The following MAGEA6 variants were observed in gnomAD, a reference collection of about 807,000 sequenced individuals.
The protein encoded by MAGEA6 is melanoma-associated antigen 6.
For missense variants in MAGEA6, 281 were observed against 231.4 expected, an observed-to-expected ratio of 1.21 and a Z score of -1.39; for synonymous variants, 100 against 98.8, an observed-to-expected ratio of 1.01 and a Z score of -0.07.
Position 152,766,367 on chromosome X carries a change from GA to G in MAGEA6, c.*338del, listed in dbSNP as rs1483006524. 1 of 333,461 alleles carries G rather than the reference GA, an allele frequency of 3.0e-6. No homozygotes were observed. Among genetic ancestry groups the G allele is most frequent in the Non-Finnish European group, 5.6e-6 (1 of 178,034 alleles). 27.5% of individuals were successfully genotyped at this position (333,461 alleles called of 1,213,427 possible). A position where few individuals can be genotyped will look rare whatever the true frequency, so the allele number is the denominator to read the frequency against. ...TTATTATGTCACAATTCACAAAATG[GA>G]ATGGATTTCCCAATCTGAATAAAAA... On this transcript the variant is annotated 3_prime_UTR_variant, in exon 3 of 3. Coordinates refer to ENST00000329342, the MANE Select transcript of MAGEA6 (RefSeq NM_005363.5).
chrX:152,767,926 C>G, intron 1 of MAGEA6, 65 bp from the exon 2 acceptor site: 1 of 195,485 alleles, frequency 5.1e-6, no homozygotes, highest in South Asian at 6.8e-5. Context: ...GGCTGCAGGA[C>G]TGAAAGTATT....
Position 152,767,326 on chromosome X carries a change from G to T in MAGEA6, c.325C>A (p.Leu109Ile), listed in dbSNP as rs781899981. Residue 109 changes from leucine to isoleucine, a missense_variant, in exon 3 of 3, where the codon CTC (leucine) becomes ATC (isoleucine). Physicochemically the swap from Leu to Ile is conservative, Grantham distance 5. Coordinates refer to ENST00000329342, the MANE Select transcript of MAGEA6 (RefSeq NM_005363.5). ...PDLESEFQAA[L>I]SRKVAKLVHF... ...ACCAACTTGGCCACCTTCCTACTGA[G>T]TGCTGCTTGGAACTCAGACTCCAGG... 2.5e-6 allele frequency: 3 copies of T among 1,210,336 alleles called. No homozygotes were observed. Among genetic ancestry groups the T allele is most frequent in the Non-Finnish European group, 3.4e-6 (3 of 894,561 alleles).
Position 152,766,667 on chromosome X carries a change from C to A in MAGEA6, c.*39G>T. On this transcript the variant is annotated 3_prime_UTR_variant, in exon 3 of 3. Transcript: ENST00000329342. ...GCCCCGGAAGGTGCACTGGCCCAAA[C>A]CCCCTCCCACTGGCCCTGGCTGCAA... 1 of 1,187,331 alleles carries A rather than the reference C, an allele frequency of 8.4e-7. No homozygotes were observed. The highest frequency in any genetic ancestry group is 1.1e-6 in the Non-Finnish European group (1 of 881,080).
chrX:152,767,236 C>T lies in MAGEA6; in HGVS notation c.415G>A (p.Val139Ile), dbSNP rs782642638. The T allele has an allele frequency of 8.3e-7, 1 of 1,210,556 alleles. No individual in the cohort carries two copies. The highest frequency in any genetic ancestry group is 1.7e-5 in the African/African-American group (1 of 57,695). The change falls in exon 3 of 3, where the codon GTC (valine) becomes ATC (isoleucine). Residue 139 changes from valine to isoleucine, a missense_variant. By Grantham distance (29) the Val-to-Ile change is conservative. Coordinates refer to ENST00000329342, the MANE Select transcript of MAGEA6 (RefSeq NM_005363.5). ...PVTKAEMLGS[V>I]VGNWQYFFPV... is the part of the protein sequence containing the mutation. ...AAGAAGTACTGCCAATTTCCGACGA[C>T]ACTCCCCAGCATTTCTGCCTTTGTG... is the stretch of plus-strand genomic sequence containing the variant.
At position 152,767,191 on chromosome X, in the gene MAGEA6, C is replaced by T. The variant is rs782474077; in HGVS notation, c.460G>A (p.Ala154Thr). 5.8e-6 allele frequency: 7 copies of T among 1,210,797 alleles called. No homozygotes were observed. Among genetic ancestry groups the T allele is most frequent in the Non-Finnish European group, 7.8e-6 (7 of 894,753 alleles). Residue 154 changes from alanine to threonine, a missense_variant, in exon 3 of 3, where the codon GCT becomes ACT. Coordinates refer to ENST00000329342, the MANE Select transcript of MAGEA6 (RefSeq NM_005363.5). Reference protein sequence around the residue: ...QYFFPVIFSKASDSLQLVFGI... With the variant: ...QYFFPVIFSKTSDSLQLVFGI... ...AAGACCAGCTGCAAGGAATCGGAAGCTTTGCTGAAGATCACAGGAAAGAAG... is the reference window on the plus strand; with the variant it reads ...AAGACCAGCTGCAAGGAATCGGAAGTTTTGCTGAAGATCACAGGAAAGAAG...
Position 152,767,402 on chromosome X carries a change from G to A in MAGEA6, c.249C>T (p.Ser83=), listed in dbSNP as rs1556826163. 184 of 1,201,012 alleles carry A rather than the reference G, an allele frequency of 1.5e-4. No homozygotes were observed. Among genetic ancestry groups the A allele is most frequent in the Non-Finnish European group, 2.0e-4 (181 of 891,648 alleles). Residue 83 remains serine, a synonymous_variant, in exon 3 of 3, where the codon TCC becomes TCT. Transcript: ENST00000329342. The stretch of plus-strand genomic sequence containing the variant: ...CTTCTTGGTTGCTGGAGTCCTCATA[G>A]GATTGGCTCCAGAGAGGGTAGTTCA... ...TTMNYPLWSQ[S]YEDSSNQEEE... is the part of the protein sequence containing the mutation.
At chrX:152,768,350 G>A (rs1331795261) in intron 1 of MAGEA6, among the ~76,000 whole-genome samples, 1 of 66,187 alleles carries the variant, frequency 1.5e-5, no homozygotes, top group Non-Finnish European at 3.3e-5. Flanking sequence ...AGAAAAACAT[G>A]AGGGGACCCA....
In MAGEA6 at chrX:152,766,722, C is replaced by G; in HGVS notation, c.929G>C (p.Arg310Thr). 1 of 1,209,961 alleles carries G rather than the reference C, an allele frequency of 8.3e-7. No homozygotes were observed. Among genetic ancestry groups the G allele is most frequent in the Non-Finnish European group, 1.1e-6 (1 of 894,301 alleles). The change falls in exon 3 of 3, where the codon AGA becomes ACA. Residue 310 changes from arginine (R) to threonine (T), a missense_variant. Arg to Thr is a moderately conservative substitution (Grantham distance 71, BLOSUM62 -1). Coordinates refer to ENST00000329342, the MANE Select transcript of MAGEA6 (RefSeq NM_005363.5). ...SYPLLHEWAL[R>T]EGEE ...TGCTCAGACTCACTCTTCCCCCTCT[C>G]TCAAAGCCCACTCATGCAGGAGTGG...
chrX:152,766,950 C>G lies in MAGEA6; in HGVS notation c.701G>C (p.Arg234Thr). ...ELSVLEVFEG[R>T]EDSIFGDPKK... ...GGGATCCCCGAAGATACTGTCTTCC[C>G]TCCCCTCAAACACCTCTAACACACT... Residue 234 changes from arginine to threonine, a missense_variant, in exon 3 of 3, where the codon AGG becomes ACG. Coordinates refer to ENST00000329342, the MANE Select transcript of MAGEA6 (RefSeq NM_005363.5). 1 of 1,210,891 alleles carries G rather than the reference C, an allele frequency of 8.3e-7. No homozygotes were observed. Among genetic ancestry groups the G allele is most frequent in the Non-Finnish European group, 1.1e-6 (1 of 894,791 alleles).
chrX:152,767,277 C>A lies in MAGEA6; in HGVS notation c.374G>T (p.Arg125Leu). 1.7e-6 allele frequency: 2 copies of A among 1,210,499 alleles called. No homozygotes were observed. The highest frequency in any genetic ancestry group is 2.2e-6 in the Non-Finnish European group (2 of 894,656). The change falls in exon 3 of 3, where the codon CGA becomes CTA. Residue 125 changes from arginine (R) to leucine (L), a missense_variant. Coordinates refer to ENST00000329342, the MANE Select transcript of MAGEA6 (RefSeq NM_005363.5). ...TGCCTTTGTGACCGGCTCCCTGGCT[C>A]GATACTTGAGGAGCAGAAAATGAAC... ...KLVHFLLLKY[R>L]AREPVTKAEM...
rs1556826377 is a variant in MAGEA6, at chrX:152,767,215, A to C, written c.436T>G (p.Phe146Val). Reference sequence around the variant, plus strand: ...GCTTTGCTGAAGATCACAGGAAAGAAGTACTGCCAATTTCCGACGACACTC... The same window carrying C: ...GCTTTGCTGAAGATCACAGGAAAGACGTACTGCCAATTTCCGACGACACTC... Reference protein sequence around the residue: ...LGSVVGNWQYFFPVIFSKASD... With the variant: ...LGSVVGNWQYVFPVIFSKASD... The change falls in exon 3 of 3, where the codon TTC (phenylalanine) becomes GTC (valine). Residue 146 changes from phenylalanine to valine, a missense_variant. Coordinates refer to ENST00000329342, the MANE Select transcript of MAGEA6 (RefSeq NM_005363.5). 4 of 1,208,648 alleles carry C rather than the reference A, an allele frequency of 3.3e-6. No homozygotes were observed. The highest frequency in any genetic ancestry group is 4.5e-6 in the Non-Finnish European group (4 of 894,357).
rs140594749 is a variant in MAGEA6, at chrX:152,766,819, G to A, written c.832C>T (p.Leu278Phe). Residue 278 changes from leucine to phenylalanine, a missense_variant, in exon 3 of 3, where the codon CTC (leucine) becomes TTC (phenylalanine). By Grantham distance (22) the Leu-to-Phe change is conservative. Transcript: ENST00000329342. ...ACTTTCACATAGCTGGTTTCAATGAGGGCCCTTGGACCCCACAGGAACTCA... is the reference window on the plus strand; with the variant it reads ...ACTTTCACATAGCTGGTTTCAATGAAGGCCCTTGGACCCCACAGGAACTCA... ...CYEFLWGPRA[L>F]IETSYVKVLH... 40 of 1,209,078 alleles carry A rather than the reference G, an allele frequency of 3.3e-5. No individual in the cohort carries two copies. The East Asian group carries it at 4.7e-4, about 14-fold the overall frequency.
At position 152,767,322 on chromosome X, in the gene MAGEA6, C is replaced by A; in HGVS notation, c.329G>T (p.Ser110Ile). 8.3e-7 allele frequency: 1 copy of A among 1,210,480 alleles called. No individual in the cohort carries two copies. Among genetic ancestry groups the A allele is most frequent in the Non-Finnish European group, 1.1e-6 (1 of 894,594 alleles). The change falls in exon 3 of 3, where the codon AGT becomes ATT. Residue 110 changes from serine (S) to isoleucine (I), a missense_variant. Physicochemically the swap from Ser to Ile is moderately radical, Grantham distance 142. Transcript: ENST00000329342. ...ATGAACCAACTTGGCCACCTTCCTA[C>A]TGAGTGCTGCTTGGAACTCAGACTC... ...DLESEFQAAL[S>I]RKVAKLVHFL... is the part of the protein sequence containing the mutation.
At position 152,766,957 on chromosome X, in the gene MAGEA6, C is replaced by G. The variant is rs2124946897; in HGVS notation, c.694G>C (p.Glu232Gln). Reference sequence around the variant, plus strand: ...CCGAAGATACTGTCTTCCCTCCCCTCAAACACCTCTAACACACTCAGCTCC... The same window carrying G: ...CCGAAGATACTGTCTTCCCTCCCCTGAAACACCTCTAACACACTCAGCTCC... Reference protein sequence around the residue: ...WEELSVLEVFEGREDSIFGDP... With the variant: ...WEELSVLEVFQGREDSIFGDP... Residue 232 changes from glutamate (E) to glutamine (Q), a missense_variant, in exon 3 of 3, where the codon GAG becomes CAG. Physicochemically the swap from Glu to Gln is conservative, Grantham distance 29. Coordinates refer to ENST00000329342, the MANE Select transcript of MAGEA6 (RefSeq NM_005363.5). The G allele has an allele frequency of 3.1e-5, 37 of 1,210,923 alleles. No individual in the cohort carries two copies. Among genetic ancestry groups the G allele is most frequent in the Non-Finnish European group, 4.0e-5 (36 of 894,785 alleles).
At position 152,768,780 on chromosome X, in the gene MAGEA6, TG is replaced by T. The variant is rs1203334637; in HGVS notation, c.-132+873del. On this transcript the variant is annotated intron_variant, in intron 1 of 2. Coordinates refer to ENST00000329342, the MANE Select transcript of MAGEA6 (RefSeq NM_005363.5). ...GGTACACCTTGGGCCCTGCAGATCC[TG>T]GGATTCCTCCCTCTGCTGACCTGAA... Among the ~76,000 whole-genome samples, 3 of 10,927 alleles carry T rather than the reference TG, an allele frequency of 2.7e-4. No individual in the cohort carries two copies. The Admixed American group carries it at 3.9e-3, about 14-fold the overall frequency. The allele number at this position is 10,927 out of a possible 115,157, so 9.5% of individuals were successfully genotyped here.
Position 152,767,289 on chromosome X carries a change from A to C in MAGEA6, c.362T>G (p.Leu121Arg). Residue 121 changes from leucine (L) to arginine (R), a missense_variant, in exon 3 of 3, where the codon CTC (leucine) becomes CGC (arginine). Physicochemically the swap from Leu to Arg is moderately radical, Grantham distance 102. Transcript: ENST00000329342. ...RKVAKLVHFLLLKYRAREPVT... is the reference protein window; with the variant it reads ...RKVAKLVHFLRLKYRAREPVT... ...CGGCTCCCTGGCTCGATACTTGAGGAGCAGAAAATGAACCAACTTGGCCAC... is the reference window on the plus strand; with the variant it reads ...CGGCTCCCTGGCTCGATACTTGAGGCGCAGAAAATGAACCAACTTGGCCAC... The C allele has an allele frequency of 8.3e-7, 1 of 1,210,471 alleles. No homozygotes were observed. The highest frequency in any genetic ancestry group is 1.1e-6 in the Non-Finnish European group (1 of 894,642).
In MAGEA6 at chrX:152,767,238, C is replaced by G. The variant is rs2124945621; in HGVS notation, c.413G>C (p.Ser138Thr). 1.7e-6 allele frequency: 2 copies of G among 1,210,703 alleles called. No homozygotes were observed. The highest frequency in any genetic ancestry group is 1.8e-5 in the South Asian group (1 of 56,885). Residue 138 changes from serine to threonine, a missense_variant, in exon 3 of 3, where the codon AGT becomes ACT. Ser to Thr is a moderately conservative substitution (Grantham distance 58, BLOSUM62 1). Coordinates refer to ENST00000329342, the MANE Select transcript of MAGEA6 (RefSeq NM_005363.5). ...EPVTKAEMLG[S>T]VVGNWQYFFP... ...GAAGTACTGCCAATTTCCGACGACA[C>G]TCCCCAGCATTTCTGCCTTTGTGAC...
rs370647045 is a variant in MAGEA6 at position 152,766,865 on chromosome X, G to A, written c.786C>T (p.Pro262=). 5.8e-6 allele frequency: 7 copies of A among 1,209,208 alleles called. No individual in the cohort carries two copies. The highest frequency in any genetic ancestry group is 3.0e-5 in the East Asian group (1 of 33,748). ...QENYLEYRQV[P]GSDPACYEFL... The stretch of plus-strand genomic sequence containing the variant: ...ACTCATAGCATGCAGGATCACTGCC[G>A]GGGACCTGCCGGTACTCCAGGTAGT... Residue 262 remains proline (P), a synonymous_variant, in exon 3 of 3, where the codon CCC becomes CCT. Transcript: ENST00000329342.
In MAGEA6 at chrX:152,766,695, C is replaced by T. The variant is rs1556827267; in HGVS notation, c.*11G>A. 8 of 1,204,137 alleles carry T rather than the reference C, an allele frequency of 6.6e-6. No homozygotes were observed. The highest frequency in any genetic ancestry group is 9.0e-6 in the Non-Finnish European group (8 of 890,959). On this transcript the variant is annotated 3_prime_UTR_variant, in exon 3 of 3. Transcript: ENST00000329342. Reference sequence around the variant, plus strand: ...CCTCCCACTGGCCCTGGCTGCAACTCGTGCTCAGACTCACTCTTCCCCCTC... The same window carrying T: ...CCTCCCACTGGCCCTGGCTGCAACTTGTGCTCAGACTCACTCTTCCCCCTC...
Sources: allele counts gnomAD v4.1 joint callset (sites outside exome capture counted in the v4.1 genomes callset), GRCh38; gene constraint gnomAD v4.1.1; transcripts MANE v1.5; gene names NCBI Gene and HGNC (gene_info 2026-07-23, HGNC 2026-07-21).